The following C19orf38 variants were observed in gnomAD, a reference collection of about 807,000 sequenced individuals.
C19orf38 encodes the protein protein HIDE1.
Under a neutral mutation model 26.6 loss-of-function variants are expected in C19orf38, and 14 were observed. The observed-to-expected ratio is 0.53, with a 90% CI of 0.35 to 0.82. C19orf38 has a LOEUF of 0.82. C19orf38 is among the 40% of genes least tolerant of loss of function. The pLI, the probability that C19orf38 is intolerant of heterozygous loss-of-function variation, is 0.01. For missense variants in C19orf38, 261 were observed against 299.5 expected, an observed-to-expected ratio of 0.87 and a Z score of 0.95; for synonymous variants, 132 against 128.5, an observed-to-expected ratio of 1.03 and a Z score of -0.18.
Position 10,848,464 on chromosome 19 carries a change from G to A in C19orf38, c.-45G>A. ...AGGAGGAGTTGGCGGGGAGCCTTGG[G>A]CCCCTCTGGCCTCAGCCGGATTTCC... On this transcript the variant is annotated 5_prime_UTR_variant, in exon 1 of 7. Transcript: ENST00000397820. 1 of 1,549,912 alleles carries A rather than the reference G, an allele frequency of 6.5e-7. No homozygotes were observed. Among genetic ancestry groups the A allele is most frequent in the Admixed American group, 2.0e-5 (1 of 50,996 alleles).
chr19:10,860,315 C>T (rs562901056), intron 5 of C19orf38, among the ~76,000 whole-genome samples: 10 of 151,890 alleles, frequency 6.6e-5, no homozygotes, highest in African/African-American at 1.9e-4. Flanking sequence ...AGGCAGATCA[C>T]GAGGTCAGGA....
At position 10,850,505 on chromosome 19, in the gene C19orf38, T is replaced by C. The variant is rs1202620295; in HGVS notation, c.278T>C (p.Leu93Ser). The C allele has an allele frequency of 2.1e-5, 32 of 1,551,456 alleles. No individual in the cohort carries two copies. In the Admixed American group the frequency reaches 5.3e-4, roughly 26 times the overall value. The change falls in exon 2 of 7, where the codon TTA becomes TCA. Residue 93 changes from leucine (L) to serine (S), a missense_variant. Coordinates refer to ENST00000397820, the MANE Select transcript of C19orf38 (RefSeq NM_001136482.3). ...CCCTTCCACTGCCAGTATGGAGTGTTAGGTGAGCTCAACCAGTCCCAGCTG... is the reference window on the plus strand; with the variant it reads ...CCCTTCCACTGCCAGTATGGAGTGTCAGGTGAGCTCAACCAGTCCCAGCTG... ...GGPFHCQYGV[L>S]GELNQSQLSD...
At chr19:10,866,680 G>A (rs139420375) in intron 6 of C19orf38, among the ~76,000 whole-genome samples, 2,397 of 149,676 alleles carry the variant, frequency 0.016, 33 homozygotes, top group Non-Finnish European at 0.019. Flanking sequence ...ACGGAGTTTC[G>A]CAATTATCGT....
Position 10,869,426 on chromosome 19 carries a change from G to C in C19orf38, c.*59G>C. ...CATTCGGGGGCCTGAGGTCCCTCCAGCTACTTCTGGGGGGGCTCTGTCAGC... is the reference window on the plus strand; with the variant it reads ...CATTCGGGGGCCTGAGGTCCCTCCACCTACTTCTGGGGGGGCTCTGTCAGC... On this transcript the variant is annotated 3_prime_UTR_variant, in exon 7 of 7. Coordinates refer to ENST00000397820, the MANE Select transcript of C19orf38 (RefSeq NM_001136482.3). 6.7e-7 allele frequency: 1 copy of C among 1,487,872 alleles called. No homozygotes were observed. Among genetic ancestry groups the C allele is most frequent in the Non-Finnish European group, 8.9e-7 (1 of 1,117,556 alleles). 92.2% of individuals were successfully genotyped at this position (1,487,872 alleles called of 1,614,324 possible). A position where few individuals can be genotyped will look rare whatever the true frequency, so the allele number is the denominator to read the frequency against.
At chr19:10,857,354 ATATATATATATATTTT>A (rs1231428110) in intron 3 of C19orf38, among the ~76,000 whole-genome samples, 2 of 78,642 alleles carry the variant, frequency 2.5e-5, no homozygotes, top group Non-Finnish European at 4.2e-5. Context: ...ATATATATAT[ATATATATATATATTTT>A]TTTTTTTTTT....
intron 3 of C19orf38, 78 bp from the exon 4 acceptor site, chr19:10,858,238 A>AAC: frequency 3.4e-6 from 4 of 1,182,164 alleles, no homozygotes; most frequent in Non-Finnish European, 4.6e-6. Context: ...AAAAAAAAAA[A>AAC]AAAAAAAAAA....
chr19:10,854,323 C>T (rs2073603483), intron 2 of C19orf38, among the ~76,000 whole-genome samples: 1 of 152,118 alleles, frequency 6.6e-6, no homozygotes, highest in Non-Finnish European at 1.5e-5. Flanking sequence ...ATCGGCCTCC[C>T]AAAGTGCTGG....
chr19:10,838,648 C>G (rs1333747295), intron 1 of C19orf38, among the ~76,000 whole-genome samples: 1 of 151,996 alleles, frequency 6.6e-6, no homozygotes, highest in South Asian at 2.1e-4. Context: ...AGGTTGAGAA[C>G]GAACGTTTAA....
intron 2 of C19orf38, among the ~76,000 whole-genome samples, chr19:10,851,201 G>A (rs2146254091): frequency 6.6e-6 from 1 of 152,180 alleles, no homozygotes; most frequent in East Asian, 1.9e-4. Flanking sequence ...TTACAGGTGT[G>A]TGCCACCATG....
intron 1 of C19orf38, 25 bp downstream of exon 1, chr19:10,848,564 A>G (rs1361287567): frequency 2.6e-6 from 3 of 1,145,698 alleles, no homozygotes; most frequent in East Asian, 6.1e-5. Flanking sequence ...CCCCTCTCAG[A>G]TCCCCCACGC....
At chr19:10,841,790 T>G in intron 1 of C19orf38, 1 of 980,608 alleles carries the variant, frequency 1.0e-6, no homozygotes, top group Non-Finnish European at 1.6e-6. Flanking sequence ...CTGGGCAGCA[T>G]AGTGAGATCC....
intron 3 of C19orf38, 63 bp downstream of exon 3, chr19:10,856,420 T>C (rs2073626539): frequency 7.5e-7 from 1 of 1,334,882 alleles, no homozygotes; most frequent in Admixed American, 2.0e-5. Flanking sequence ...CGTGAAGATG[T>C]GCTTACACTC....
chr19:10,840,499 A>ATTTTTG (rs57035632), intron 1 of C19orf38, among the ~76,000 whole-genome samples: 11,319 of 151,446 alleles, frequency 0.075, 435 homozygotes, highest in Non-Finnish European at 0.083. Flanking sequence ...ATAAAGACAG[A>ATTTTTG]TTTTTGTTTT....
intron 1 of C19orf38, among the ~76,000 whole-genome samples, chr19:10,849,140 C>G (rs1296982561): frequency 6.6e-6 from 1 of 151,988 alleles, no homozygotes; most frequent in Non-Finnish European, 1.5e-5. Context: ...TCACTCACCC[C>G]CTCCCTCCTG....
chr19:10,851,350 C>CT (rs56183502), intron 2 of C19orf38, among the ~76,000 whole-genome samples: 90,342 of 143,124 alleles, frequency 0.63, 30,292 homozygotes, highest in African/African-American at 0.89. Context: ...CTGCACCTGG[C>CT]TTTTTTTTTT....
chr19:10,868,095 A>C lies in C19orf38; in HGVS notation c.544-1123A>C, dbSNP rs188509868. 7.9e-4 allele frequency among the ~76,000 whole-genome samples: 120 copies of C among 151,962 alleles called. 1 individual carries two copies. Among genetic ancestry groups the C allele is most frequent in the Admixed American group, 2.2e-3 (34 of 15,268 alleles). The stretch of plus-strand genomic sequence containing the variant: ...ACCGTGCCATGACCATGGGTATGCA[A>C]ATTTCTTTTGGAGTCTCTGCTTTCA... On this transcript the variant is annotated intron_variant, in intron 6 of 6. Coordinates refer to ENST00000397820, the MANE Select transcript of C19orf38 (RefSeq NM_001136482.3).
chr19:10,862,208 T>G (rs988328462), intron 5 of C19orf38, among the ~76,000 whole-genome samples: 42 of 147,720 alleles, frequency 2.8e-4, no homozygotes, highest in African/African-American at 9.2e-4. Flanking sequence ...CCTGTTTTTT[T>G]TTTTTTTTTT....
At chr19:10,854,788 C>T (rs1237259823) in intron 2 of C19orf38, among the ~76,000 whole-genome samples, 1 of 152,070 alleles carries the variant, frequency 6.6e-6, no homozygotes, top group Non-Finnish European at 1.5e-5. Flanking sequence ...TGTCATCTGG[C>T]CACTGGCACC....
At chr19:10,843,991 T>TA (rs2073497020), upstream of C19orf38, among the ~76,000 whole-genome samples, 1 of 151,882 alleles carries the variant, frequency 6.6e-6, no homozygotes, top group Non-Finnish European at 1.5e-5. Flanking sequence ...TGCATGCCTG[T>TA]AATCCCAGCT....
Sources: allele counts gnomAD v4.1 joint callset (sites outside exome capture counted in the v4.1 genomes callset), GRCh38; gene constraint gnomAD v4.1.1; transcripts MANE v1.5; gene names NCBI Gene and HGNC (gene_info 2026-07-23, HGNC 2026-07-21).